DAAM2: variants seen among roughly 807,000 people sequenced by gnomAD.
DAAM2 encodes dishevelled associated activator of morphogenesis 2.
Under a neutral mutation model 120.7 loss-of-function variants are expected in DAAM2, and 39 were observed. The observed-to-expected ratio is 0.32, with a 90% confidence interval of 0.25 to 0.42. The LOEUF is 0.42. DAAM2 is among the 10% of genes least tolerant of loss of function. The probability of loss-of-function intolerance (pLI) is 1.00; values close to 1 mark genes in which losing one functional copy is unlikely to be tolerated. For missense variants in DAAM2, 1,283 were observed against 1,401.7 expected, an observed-to-expected ratio of 0.92 and a Z score of 1.35; for synonymous variants, 488 against 524.9, an observed-to-expected ratio of 0.93 and a Z score of 0.96.
chr6:39,899,860 G>A (rs1766364846), intron 22 of DAAM2: 2 of 460,698 alleles, frequency 4.3e-6, no homozygotes, highest in South Asian at 3.0e-5. Flanking sequence ...CAGGTCACAT[G>A]TTGGGTCTCA....
intron 1 of DAAM2, among the ~76,000 whole-genome samples, chr6:39,854,273 T>C (rs192925143): frequency 6.6e-6 from 1 of 152,328 alleles, no homozygotes; most frequent in Admixed American, 6.5e-5. Context: ...TCCATGAGAA[T>C]AGGTCATTTC....
chr6:39,847,503 G>A (rs1274157788), intron 1 of DAAM2, among the ~76,000 whole-genome samples: 3 of 152,092 alleles, frequency 2.0e-5, no homozygotes, highest in African/African-American at 7.2e-5. Flanking sequence ...CCAGACTTAC[G>A]GCGCTAATGG....
chr6:39,864,611 C>A, intron 4 of DAAM2, 104 bp downstream of exon 4: 1 of 864,810 alleles, frequency 1.2e-6, no homozygotes, highest in Non-Finnish European at 1.8e-6. Context: ...CCTTTTACTG[C>A]TCCTCAGCGC....
chr6:39,815,498 C>T lies in DAAM2; in HGVS notation c.-57+23033C>T, dbSNP rs536374631. 2.6e-5 allele frequency among the ~76,000 whole-genome samples: 4 copies of T among 152,232 alleles called. No individual in the cohort carries two copies. In the East Asian group the frequency reaches 7.7e-4, roughly 29 times the overall value. On this transcript the variant is annotated intron_variant, in intron 1 of 24. Coordinates refer to ENST00000274867, the MANE Select transcript of DAAM2 (RefSeq NM_001201427.2). ...TATTCCCCATAGGGCAGCTGTGAGCCTTCAATGAAACTGTGTCTGTTAAAC... is the reference window on the plus strand; with the variant it reads ...TATTCCCCATAGGGCAGCTGTGAGCTTTCAATGAAACTGTGTCTGTTAAAC...
chr6:39,899,763 A>C (rs949378967), intron 22 of DAAM2: 2 of 236,316 alleles, frequency 8.5e-6, no homozygotes, highest in Non-Finnish European at 1.7e-5. Context: ...AGTCTTGTAA[A>C]GATGAGTCTT....
At chr6:39,882,764 G>A (rs1270814798) in intron 14 of DAAM2, among the ~76,000 whole-genome samples, 2 of 151,826 alleles carry the variant, frequency 1.3e-5, no homozygotes, top group Non-Finnish European at 2.9e-5. Context: ...GGTTGTTTCT[G>A]CCATGAAAAG....
chr6:39,818,182 TAAAAA>T (rs752326154), intron 1 of DAAM2, among the ~76,000 whole-genome samples: 9 of 85,870 alleles, frequency 1.0e-4, no homozygotes, highest in African/African-American at 3.8e-4. Flanking sequence ...GCATCTCAAT[TAAAAA>T]AAAAAAAAAA....
At chr6:39,841,891 C>T (rs115991420) in intron 1 of DAAM2, among the ~76,000 whole-genome samples, 399 of 152,086 alleles carry the variant, frequency 2.6e-3, no homozygotes, top group African/African-American at 8.9e-3. Flanking sequence ...AGCACAGAGA[C>T]GAAAAATATC....
chr6:39,872,899 A>G lies in DAAM2; in HGVS notation c.1045-339A>G, dbSNP rs114857809. Among the ~76,000 whole-genome samples the G allele has an allele frequency of 3.3e-3, 502 of 152,124 alleles. 13 individuals carry two copies. In the South Asian group the frequency reaches 0.064, roughly 19 times the overall value. ...TCCTCTCCCCCTGGGGACATTTGCA[A>G]TGTCTGGGGACATTTTGACTTGTGT... On this transcript the variant is annotated intron_variant, in intron 9 of 24. Coordinates refer to ENST00000274867, the MANE Select transcript of DAAM2 (RefSeq NM_001201427.2).
At chr6:39,793,072 C>T (rs1210951717) in intron 1 of DAAM2, 1 of 152,270 alleles carries the variant, frequency 6.6e-6, no homozygotes, top group East Asian at 1.9e-4. Flanking sequence ...GCAAACCAAC[C>T]TCATGCCCTG....
rs763675208 is a variant in DAAM2, at chr6:39,901,423, TGAG to T, written c.2942_2944del (p.Arg981del). The T allele has an allele frequency of 2.9e-5, 46 of 1,612,590 alleles. No individual in the cohort carries two copies. Among genetic ancestry groups the T allele is most frequent in the Admixed American group, 6.7e-5 (4 of 59,932 alleles). On this transcript the variant is annotated inframe_deletion, in exon 24 of 25. Coordinates refer to ENST00000274867, the MANE Select transcript of DAAM2 (RefSeq NM_001201427.2). This position sits in a 1 kb window ranked among gnomAD's most constrained non-coding sequence, Gnocchi z 4.5. Reference sequence around the variant, plus strand: ...GAGGCCCGGCAGGATCTAGAGGCCATGAGGAGGAGGAAGGAGGAGGAGGAGCGG... The same window carrying T: ...GAGGCCCGGCAGGATCTAGAGGCCATGAGGAGGAAGGAGGAGGAGGAGCGG...
chr6:39,880,983 A>G (rs1274591584), intron 14 of DAAM2, among the ~76,000 whole-genome samples: 2 of 152,192 alleles, frequency 1.3e-5, no homozygotes, highest in African/African-American at 4.8e-5. Flanking sequence ...AGAAAATAAC[A>G]TTTTGTATTG....
intron 5 of DAAM2, among the ~76,000 whole-genome samples, chr6:39,867,104 T>C (rs1217395091): frequency 6.6e-6 from 1 of 152,228 alleles, no homozygotes; most frequent in East Asian, 1.9e-4. Context: ...GTAGCTTCCC[T>C]AGGCTTAACG....
chr6:39,860,839 T>C (rs1764180013), intron 2 of DAAM2, 89 bp from the exon 3 acceptor site: 2 of 1,016,908 alleles, frequency 2.0e-6, no homozygotes, highest in Non-Finnish European at 3.0e-6. Context: ...AGGAACTGAT[T>C]TGGGGGAATT....
At chr6:39,868,181 CA>C (rs1764507819) in intron 6 of DAAM2, 1 of 327,318 alleles carries the variant, frequency 3.1e-6, no homozygotes, top group African/African-American at 2.1e-5. Flanking sequence ...GGGGCTCAGT[CA>C]AGAATTACTG....
intron 1 of DAAM2, among the ~76,000 whole-genome samples, chr6:39,805,871 A>G (rs1761996770): frequency 6.6e-6 from 1 of 152,170 alleles, no homozygotes; most frequent in South Asian, 2.1e-4. Context: ...TTTTTAAGGT[A>G]TCTTTTATAA....
At chr6:39,897,146 C>T (rs376662530) in intron 20 of DAAM2, 29 bp from the exon 21 acceptor site, 1 of 1,576,306 alleles carries the variant, frequency 6.3e-7, no homozygotes, top group African/African-American at 1.3e-5. Flanking sequence ...TCCTCTGTCA[C>T]TTACCACTGA....
rs1766539074 is a variant in DAAM2 at position 39,902,270 on chromosome 6, TCTGAGG to T, written c.*237_*242del. ...TCTGTGCCCTGGCCCCAGGTATTAT[TCTGAGG>T]CTGCCTTGGATGGCCTCAGGCCAGG... is the stretch of plus-strand genomic sequence containing the variant. On this transcript the variant is annotated 3_prime_UTR_variant, in exon 25 of 25. Transcript: ENST00000274867. 2.3e-6 allele frequency: 1 copy of T among 426,396 alleles called. No homozygotes were observed. Among genetic ancestry groups the T allele is most frequent in the Non-Finnish European group, 4.1e-6 (1 of 241,924 alleles). 26.4% of individuals were successfully genotyped at this position (426,396 alleles called of 1,614,324 possible).
At chr6:39,871,203 C>T (rs900659883) in intron 8 of DAAM2, among the ~76,000 whole-genome samples, 6 of 152,104 alleles carry the variant, frequency 3.9e-5, no homozygotes, top group Admixed American at 1.3e-4. Flanking sequence ...TAAACATCCT[C>T]ACAGATCAGC....
Sources: allele counts gnomAD v4.1 joint callset (sites outside exome capture counted in the v4.1 genomes callset), GRCh38; gene constraint gnomAD v4.1.1; non-coding constraint Gnocchi (gnomAD v3.1); transcripts MANE v1.5; gene names NCBI Gene and HGNC (gene_info 2026-07-23, HGNC 2026-07-21).